Variants in MEF2C observed in about 807,000 individuals in gnomAD.
MEF2C encodes myocyte enhancer factor 2C, also known as myocyte-specific enhancer factor 2C.
In MEF2C, 6 loss-of-function variants were observed where a neutral mutation model predicts 50.5. That is an observed-to-expected ratio of 0.12 (90% CI 0.07 to 0.23). The LOEUF is 0.23. MEF2C is among the 10% of genes least tolerant of loss of function. MEF2C has a pLI of 1.00. For synonymous variants in MEF2C, 183 were observed against 228.0 expected, an observed-to-expected ratio of 0.80 and a Z score of 1.78; for missense variants, 276 against 605.0, an observed-to-expected ratio of 0.46 and a Z score of 5.70.
At chr5:88,900,408 T>TA (rs34433957) in intron 1 of MEF2C, among the ~76,000 whole-genome samples, 9 of 151,576 alleles carry the variant, frequency 5.9e-5, no homozygotes, top group African/African-American at 1.9e-4. Flanking sequence ...CTCCCAATCT[T>TA]AAAAAAAACC....
chr5:88,843,502 C>A, intron 1 of MEF2C: 1 of 982,940 alleles, frequency 1.0e-6, no homozygotes, highest in Non-Finnish European at 1.2e-6. Context: ...ATTTAAACTA[C>A]ATTTTTCATG....
chr5:88,752,766 A>T, intron 4 of MEF2C: 1 of 985,410 alleles, frequency 1.0e-6, no homozygotes. Flanking sequence ...GTCTAATTAG[A>T]TTAATCCAGG....
At chr5:88,868,652 G>A (rs1828177982) in intron 1 of MEF2C, among the ~76,000 whole-genome samples, 1 of 152,130 alleles carries the variant, frequency 6.6e-6, no homozygotes, top group South Asian at 2.1e-4. Context: ...GGAGAAGAGA[G>A]AGAGGCTATG....
chr5:88,743,559 A>G, intron 6 of MEF2C: 1 of 979,230 alleles, frequency 1.0e-6, no homozygotes, highest in African/African-American at 1.7e-5. Flanking sequence ...TTTTATGATT[A>G]TATTATCATA....
chr5:88,868,221 G>GA (rs1177915148), intron 1 of MEF2C, among the ~76,000 whole-genome samples: 1 of 152,026 alleles, frequency 6.6e-6, no homozygotes, highest in African/African-American at 2.4e-5. Context: ...AAAGCTGGGG[G>GA]AAAAATATCT....
At chr5:88,868,245 T>C (rs748104324) in intron 1 of MEF2C, among the ~76,000 whole-genome samples, 6 of 151,620 alleles carry the variant, frequency 4.0e-5, no homozygotes, top group Admixed American at 2.0e-4. Context: ...TACTTCTTTA[T>C]GAAGCATTAC....
chr5:88,869,505 TG>T (rs1828837880), intron 1 of MEF2C, among the ~76,000 whole-genome samples: 1 of 151,488 alleles, frequency 6.6e-6, no homozygotes, highest in Non-Finnish European at 1.5e-5. Context: ...CCTTCAATTC[TG>T]GGAGATATTT....
chr5:88,757,591 A>G (rs1056904102), intron 4 of MEF2C, among the ~76,000 whole-genome samples: 45 of 152,018 alleles, frequency 3.0e-4, no homozygotes, highest in African/African-American at 1.1e-3. Context: ...CCCCTTCCCT[A>G]ATTAACTACA....
At chr5:88,743,476 C>T in intron 6 of MEF2C, 3 of 985,288 alleles carry the variant, frequency 3.0e-6, no homozygotes, top group Non-Finnish European at 3.6e-6. Context: ...CCTCTTTCCA[C>T]TTAGTTCTAT....
chr5:88,864,725 G>A (rs73179460), intron 1 of MEF2C, among the ~76,000 whole-genome samples: 1 of 151,810 alleles, frequency 6.6e-6, no homozygotes, highest in East Asian at 1.9e-4. Flanking sequence ...CAAGTAGTTA[G>A]GACAACAGGC....
chr5:88,884,075 G>C (rs1476346542), upstream of MEF2C, among the ~76,000 whole-genome samples: 1 of 152,218 alleles, frequency 6.6e-6, no homozygotes, highest in East Asian at 1.9e-4. Flanking sequence ...ACGGCGAGCT[G>C]CGGCTCCCTG....
At position 88,812,406 on chromosome 5, in the gene MEF2C, TGA is replaced by T. The variant is rs1275349523; in HGVS notation, c.55-7607_55-7606del. Among the ~76,000 whole-genome samples, 23 of 152,286 alleles carry T rather than the reference TGA, an allele frequency of 1.5e-4. 1 individual carries two copies. Among genetic ancestry groups the T allele is most frequent in the Non-Finnish European group, 2.9e-4 (20 of 68,018 alleles). On this transcript the variant is annotated intron_variant, in intron 2 of 10. Coordinates refer to ENST00000504921, the MANE Select transcript of MEF2C (RefSeq NM_002397.5). Reference sequence around the variant, plus strand: ...ACTATGTTAACAAGAAGTTTGCTACTGAGAGAGGGAAATTTCACATACTTGTT... The same window carrying T: ...ACTATGTTAACAAGAAGTTTGCTACTGAGAGGGAAATTTCACATACTTGTT...
Position 88,718,720 on chromosome 5 carries a change from C to T in MEF2C, c.*3884G>A, listed in dbSNP as rs1194242568. 1 of 152,110 alleles carries T rather than the reference C, an allele frequency of 6.6e-6. No homozygotes were observed. The highest frequency in any genetic ancestry group is 2.4e-5 in the African/African-American group (1 of 41,410). 9.4% of individuals were successfully genotyped at this position (152,110 alleles called of 1,614,324 possible). ...GGTATGAATCAATTTGAGGTATGAA[C>T]AGGGAAGGCAAAATGCAATACCAGA... is the stretch of plus-strand genomic sequence containing the variant. On this transcript the variant is annotated 3_prime_UTR_variant, in exon 11 of 11. Transcript: ENST00000504921.
At chr5:88,824,404 T>C (rs1442835376) in intron 1 of MEF2C, 1 of 937,466 alleles carries the variant, frequency 1.1e-6, no homozygotes, top group Non-Finnish European at 1.3e-6. Context: ...GTTATGCAAA[T>C]AGGATGGACG....
intron 1 of MEF2C, among the ~76,000 whole-genome samples, chr5:88,833,569 G>A (rs1009289404): frequency 1.3e-5 from 2 of 152,066 alleles, no homozygotes; most frequent in Non-Finnish European, 2.9e-5. Flanking sequence ...CTACGTACTC[G>A]ACTCCAACAT....
intron 3 of MEF2C, among the ~76,000 whole-genome samples, chr5:88,770,602 T>G (rs1190023747): frequency 6.6e-6 from 1 of 152,206 alleles, no homozygotes; most frequent in East Asian, 1.9e-4. Flanking sequence ...TCCATTTCTC[T>G]CCCATCTTTC....
At chr5:88,854,075 T>C (rs1319685039) in intron 1 of MEF2C, among the ~76,000 whole-genome samples, 2 of 152,220 alleles carry the variant, frequency 1.3e-5, no homozygotes, top group African/African-American at 4.8e-5. Context: ...ATTACCTGCA[T>C]GTAAAATGAA....
intron 3 of MEF2C, among the ~76,000 whole-genome samples, chr5:88,779,528 G>A (rs898002537): frequency 8.6e-5 from 13 of 152,008 alleles, no homozygotes; most frequent in Admixed American, 2.6e-4. Flanking sequence ...TGGAAGCTAT[G>A]TATTTTGTGC....
chr5:88,836,902 C>A (rs770071744), intron 1 of MEF2C, among the ~76,000 whole-genome samples: 1 of 150,536 alleles, frequency 6.6e-6, no homozygotes, highest in African/African-American at 2.4e-5. Context: ...GGCAAGCTCA[C>A]GACTTTCCTT....
Sources: gnomAD v4.1 joint callset for allele counts (sites outside exome capture counted in the v4.1 genomes callset) on GRCh38, gnomAD v4.1.1 for gene constraint, MANE v1.5 for transcripts, NCBI Gene and HGNC (gene_info 2026-07-23, HGNC 2026-07-21) for gene names.